SLC38A10: variants seen among roughly 807,000 people sequenced by gnomAD.
SLC38A10 encodes Sodium-coupled neutral amino acid transporter 10.
Under a neutral mutation model 81.0 loss-of-function variants are expected in SLC38A10, and 53 were observed. That is an observed-to-expected ratio of 0.65 (90% CI 0.53 to 0.82). SLC38A10 has a LOEUF of 0.82. Among genes scored for constraint, SLC38A10 ranks in the 40% least tolerant of loss-of-function variants. SLC38A10 has a pLI of 0.00. For synonymous variants in SLC38A10, 665 were observed against 655.3 expected (o/e 1.01, Z -0.23); for missense variants, 1,471 against 1,545.0 (o/e 0.95, Z 0.80).
chr17:81,264,089 G>A (rs527489843), intron 10 of SLC38A10: 2 of 152,468 alleles, frequency 1.3e-5, no homozygotes, highest in African/African-American at 4.8e-5. Context: ...TCCAACCACG[G>A]GACGTGTGAC....
rs929833143 is a variant in SLC38A10 at position 81,244,841 on chromosome 17, A to G, written c.*715T>C. Among the ~76,000 whole-genome samples, 3 of 152,134 alleles carry G rather than the reference A, an allele frequency of 2.0e-5. No homozygotes were observed. Among genetic ancestry groups the G allele is most frequent in the African/African-American group, 7.2e-5 (3 of 41,426 alleles). On this transcript the variant is annotated 3_prime_UTR_variant, in exon 16 of 16. Transcript: ENST00000374759. Reference sequence around the variant, plus strand: ...TTATCAGTGGTGTTTTTTACTTTTTAAAAAAAGCCACAATTGGATTTTGAA... The same window carrying G: ...TTATCAGTGGTGTTTTTTACTTTTTGAAAAAAGCCACAATTGGATTTTGAA...
chr17:81,251,229 G>A, intron 14 of SLC38A10: 3 of 1,448,472 alleles, frequency 2.1e-6, no homozygotes, highest in Non-Finnish European at 2.8e-6. Flanking sequence ...AGGGGAGCAA[G>A]GGAGATAAAA....
At chr17:81,260,955 G>A (rs768042939) in intron 10 of SLC38A10, among the ~76,000 whole-genome samples, 1 of 152,252 alleles carries the variant, frequency 6.6e-6, no homozygotes, top group Non-Finnish European at 1.5e-5. Flanking sequence ...ACGCAGGCCC[G>A]TGCGCATGAA....
At chr17:81,278,398 C>T (rs1421828739) in intron 6 of SLC38A10, among the ~76,000 whole-genome samples, 1 of 152,052 alleles carries the variant, frequency 6.6e-6, no homozygotes, top group East Asian at 1.9e-4. Context: ...AAAAAGAAAA[C>T]CCAGCAGACT....
At chr17:81,274,322 C>T (rs1002065890) in intron 8 of SLC38A10, among the ~76,000 whole-genome samples, 1 of 152,240 alleles carries the variant, frequency 6.6e-6, no homozygotes, top group Non-Finnish European at 1.5e-5. Flanking sequence ...TGGTGGAAGT[C>T]TGCAGGAGGC....
intron 14 of SLC38A10, 96 bp from the exon 15 acceptor site, chr17:81,247,157 C>T: frequency 7.6e-7 from 1 of 1,314,574 alleles, no homozygotes. Context: ...ACGCACAGGT[C>T]ACCTGCAGGG....
Position 81,252,599 on chromosome 17 carries a change from C to A in SLC38A10, c.1541G>T (p.Arg514Leu). ...AGGTTTGTTCTCTTCTGGCACCTCT[C>A]GGTCTTGGCCTTCATCTACCACCAC... ...DKVVVDEGQD[R>L]EVPEENKPPS... The change falls in exon 13 of 16, where the codon CGA becomes CTA. Residue 514 changes from arginine (R) to leucine (L), a missense_variant. Arg to Leu is a moderately radical substitution (Grantham distance 102). This residue lies in a region of SLC38A10 where 720 missense variants were observed against 827.7 expected (regional missense o/e 0.87). Transcript: ENST00000374759. 1 of 1,613,294 alleles carries A rather than the reference C, an allele frequency of 6.2e-7. No individual in the cohort carries two copies. The highest frequency in any genetic ancestry group is 1.3e-5 in the African/African-American group (1 of 75,076).
chr17:81,260,096 G>A, intron 11 of SLC38A10, 142 bp downstream of exon 11: 1 of 1,028,512 alleles, frequency 9.7e-7, no homozygotes. Context: ...GTTCACAGGG[G>A]AGGCTGGTGG....
rs79336906 is a variant in SLC38A10, at chr17:81,273,058, C to A, written c.913-431G>T. On this transcript the variant is annotated intron_variant, in intron 8 of 15. Coordinates refer to ENST00000374759, the MANE Select transcript of SLC38A10 (RefSeq NM_001037984.3). ...AGGTTTCAGGGTGCAGGCAGAACCCCCCCAAACACACGCACACATGGCCGT... is the reference window on the plus strand; with the variant it reads ...AGGTTTCAGGGTGCAGGCAGAACCCACCCAAACACACGCACACATGGCCGT... Among the ~76,000 whole-genome samples the A allele has an allele frequency of 7.2e-3, 1,096 of 152,290 alleles. 14 individuals are homozygous for A. Among genetic ancestry groups the A allele is most frequent in the African/African-American group, 0.025 (1,039 of 41,558 alleles).
At chr17:81,271,416 G>A (rs547460812) in intron 9 of SLC38A10, among the ~76,000 whole-genome samples, 2 of 152,260 alleles carry the variant, frequency 1.3e-5, no homozygotes, top group African/African-American at 2.4e-5. Flanking sequence ...GTGCTGCCAG[G>A]CTGCAGCCCC....
intron 1 of SLC38A10, among the ~76,000 whole-genome samples, chr17:81,290,735 C>T (rs895820129): frequency 6.6e-6 from 1 of 152,136 alleles, no homozygotes; most frequent in East Asian, 1.9e-4. Flanking sequence ...CAGCCGGGCA[C>T]GGTGGCTCAC....
In SLC38A10 at chr17:81,289,224, T is replaced by C. The variant is rs2063291252; in HGVS notation, c.217+467A>G. Among the ~76,000 whole-genome samples the C allele has an allele frequency of 2.0e-5, 3 of 151,988 alleles. No homozygotes were observed. In the South Asian group the frequency reaches 6.2e-4, roughly 31 times the overall value. Reference sequence around the variant, plus strand: ...TCTGGCTAATTTTTTGTATTTCTGGTAGAGATGGGGTTTCACCATGTTGTC... The same window carrying C: ...TCTGGCTAATTTTTTGTATTTCTGGCAGAGATGGGGTTTCACCATGTTGTC... On this transcript the variant is annotated intron_variant, in intron 2 of 15. Transcript: ENST00000374759. The surrounding 1 kb of genome is among the most constrained non-coding windows in gnomAD (Gnocchi z 5.9).
chr17:81,287,169 G>C (rs2063274433), intron 2 of SLC38A10, among the ~76,000 whole-genome samples: 1 of 152,220 alleles, frequency 6.6e-6, no homozygotes, highest in African/African-American at 2.4e-5. Context: ...TCTCCAGGCT[G>C]GCACATGGCA....
intron 1 of SLC38A10, among the ~76,000 whole-genome samples, chr17:81,294,352 C>T (rs2063331736): frequency 6.6e-6 from 1 of 152,114 alleles, no homozygotes; most frequent in Non-Finnish European, 1.5e-5. Flanking sequence ...TTTTGTGAAA[C>T]GCAGATCTTA....
Position 81,253,082 on chromosome 17 carries a change from G to C in SLC38A10, c.1447C>G (p.Pro483Ala), listed in dbSNP as rs752070625. 6.2e-7 allele frequency: 1 copy of C among 1,612,998 alleles called. No individual in the cohort carries two copies. The highest frequency in any genetic ancestry group is 1.1e-5 in the South Asian group (1 of 91,068). Residue 483 changes from proline (P) to alanine (A), a missense_variant, in exon 12 of 16, where the codon CCT (proline) becomes GCT (alanine). This residue lies in a region of SLC38A10 where 720 missense variants were observed against 827.7 expected (regional missense o/e 0.87). Coordinates refer to ENST00000374759, the MANE Select transcript of SLC38A10 (RefSeq NM_001037984.3). This position sits in a 1 kb window ranked among gnomAD's most constrained non-coding sequence, Gnocchi z 4.1. ...EAPEEAQLDRPGQGIAVPVGE... is the reference protein window; with the variant it reads ...EAPEEAQLDRAGQGIAVPVGE... ...AGCCAGTGCCCAGCACCTTGCCCAG[G>C]GCGATCGAGCTGTGCCTCCTCCGGT...
Position 81,245,745 on chromosome 17 carries a change from G to A in SLC38A10, c.3171C>T (p.Gly1057=). 1.9e-6 allele frequency: 3 copies of A among 1,596,028 alleles called. No homozygotes were observed. Among genetic ancestry groups the A allele is most frequent in the Non-Finnish European group, 2.6e-6 (3 of 1,167,350 alleles). The part of the protein sequence containing the change: ...SDLRRRRRDL[G]PHAEGQLAPR... Reference sequence around the variant, plus strand: ...GGGCCAGCTGACCCTCTGCATGAGGGCCAAGGTCCCGCCGTCGCCTCCGGA... The same window carrying A: ...GGGCCAGCTGACCCTCTGCATGAGGACCAAGGTCCCGCCGTCGCCTCCGGA... The change falls in exon 16 of 16, where the codon GGC becomes GGT. Residue 1057 remains glycine (G), a synonymous_variant. Transcript: ENST00000374759.
At chr17:81,248,477 C>T (rs1049924737) in intron 14 of SLC38A10, among the ~76,000 whole-genome samples, 3 of 152,246 alleles carry the variant, frequency 2.0e-5, no homozygotes, top group South Asian at 2.1e-4. Flanking sequence ...GGTGCAGGAG[C>T]ACCCGGTCTG....
intron 15 of SLC38A10, 94 bp from the exon 16 acceptor site, chr17:81,246,767 A>G: frequency 2.7e-6 from 4 of 1,499,484 alleles, no homozygotes; most frequent in South Asian, 1.4e-5. Flanking sequence ...AGCATTGGGA[A>G]CCAAAACCAG....
intron 10 of SLC38A10, among the ~76,000 whole-genome samples, chr17:81,261,943 C>T (rs989372210): frequency 9.7e-4 from 148 of 152,378 alleles, no homozygotes; most frequent in African/African-American, 3.5e-3. Flanking sequence ...CTGCCCCGCC[C>T]TGGCCCCGAA....
Sources: allele counts gnomAD v4.1 joint callset (sites outside exome capture counted in the v4.1 genomes callset), GRCh38; gene constraint gnomAD v4.1.1; regional missense constraint gnomAD v4.1.1; non-coding constraint Gnocchi (gnomAD v3.1); transcripts MANE v1.5; gene names NCBI Gene and HGNC (gene_info 2026-07-23, HGNC 2026-07-21).